Variants in WDR37 observed in about 807,000 individuals in gnomAD.
The protein encoded by WDR37 is WD repeat-containing protein 37.
Under a neutral mutation model 62.9 loss-of-function variants are expected in WDR37, and 19 were observed. The ratio of observed to expected loss-of-function variants is 0.30; its 90% confidence interval spans 0.21 to 0.44. The LOEUF is 0.44. Ranked by LOEUF, WDR37 falls within the 20% of genes least tolerant of loss-of-function variation. The pLI, the probability that WDR37 is intolerant of heterozygous loss-of-function variation, is 1.00. For synonymous variants in WDR37, 250 were observed against 260.9 expected (o/e 0.96, Z 0.40); for missense variants, 474 against 657.6 (o/e 0.72, Z 3.05).
At chr10:1,109,510 G>C (rs1303670013) in intron 11 of WDR37, among the ~76,000 whole-genome samples, 1 of 152,074 alleles carries the variant, frequency 6.6e-6, no homozygotes, top group African/African-American at 2.4e-5. Flanking sequence ...CTGGGAGTTT[G>C]AGACCAGCTT....
At chr10:1,108,519 C>T (rs370094597) in intron 11 of WDR37, among the ~76,000 whole-genome samples, 8 of 152,180 alleles carry the variant, frequency 5.3e-5, no homozygotes, top group Non-Finnish European at 1.0e-4. Flanking sequence ...AATAGCGAAG[C>T]GACACTATTC....
chr10:1,115,750 T>G (rs550776033), intron 11 of WDR37, among the ~76,000 whole-genome samples: 1 of 152,310 alleles, frequency 6.6e-6, no homozygotes, highest in South Asian at 2.1e-4. Context: ...AGATCTGCTT[T>G]CTTTTTGGTG....
chr10:1,095,183 A>C (rs562367334), intron 8 of WDR37, among the ~76,000 whole-genome samples: 6 of 148,768 alleles, frequency 4.0e-5, no homozygotes, highest in South Asian at 4.3e-4. Flanking sequence ...GGAGAGTTAG[A>C]CTGGGAAATG....
chr10:1,105,671 C>T lies in WDR37; in HGVS notation c.1103+404C>T, dbSNP rs185752271. Among the ~76,000 whole-genome samples, 4 of 152,260 alleles carry T rather than the reference C, an allele frequency of 2.6e-5. No individual in the cohort carries two copies. The highest frequency in any genetic ancestry group is 3.9e-4 in the East Asian group (2 of 5,168). ...TTTCCATCTAGTTTTTGTTATTACA[C>T]GTGTCTGCGTGGTATATTCTGGGAG... On this transcript the variant is annotated intron_variant, in intron 11 of 13. Coordinates refer to ENST00000263150, the MANE Select transcript of WDR37 (RefSeq NM_014023.4). The surrounding 1 kb of genome is among the most constrained non-coding windows in gnomAD (Gnocchi z 5.3).
At chr10:1,093,885 A>G (rs10903366) in intron 8 of WDR37, among the ~76,000 whole-genome samples, 59,838 of 152,148 alleles carry the variant, frequency 0.39, 12,130 homozygotes, top group African/African-American at 0.47. Context: ...ACAGAGACAC[A>G]GCAAGTTGCC....
rs76312690 is a variant in WDR37 at position 1,131,296 on chromosome 10, C to G, written c.*1952C>G. The G allele has an allele frequency of 6.6e-6, 1 of 152,142 alleles. No individual in the cohort carries two copies. The highest frequency in any genetic ancestry group is 1.5e-5 in the Non-Finnish European group (1 of 68,062). 9.4% of individuals were successfully genotyped at this position (152,142 alleles called of 1,614,324 possible). On this transcript the variant is annotated 3_prime_UTR_variant, in exon 14 of 14. Coordinates refer to ENST00000263150, the MANE Select transcript of WDR37 (RefSeq NM_014023.4). ...GCACAGGCCACCTGCTTGGGTTCCT[C>G]GGAGTTTAATTTGAAAGTCTGGGTG...
At chr10:1,058,883 AATTT>A (rs1209607274) in intron 1 of WDR37, among the ~76,000 whole-genome samples, 1 of 152,212 alleles carries the variant, frequency 6.6e-6, no homozygotes, top group African/African-American at 2.4e-5. Context: ...TGCAATTTTC[AATTT>A]ATTTCTCCAA....
chr10:1,089,612 A>T (rs1035265219), intron 7 of WDR37, among the ~76,000 whole-genome samples: 4 of 150,736 alleles, frequency 2.7e-5, no homozygotes, highest in South Asian at 2.1e-4. Context: ...CTCACCCACA[A>T]TTCAACCTTC....
At chr10:1,086,113 T>G (rs1834192863) in intron 6 of WDR37, among the ~76,000 whole-genome samples, 173 bp from the exon 7 acceptor site, 1 of 152,254 alleles carries the variant, frequency 6.6e-6, no homozygotes, top group Non-Finnish European at 1.5e-5. Flanking sequence ...TTCTCCCATT[T>G]GGGAAATGTT....
At chr10:1,081,673 T>C (rs1473405325) in intron 5 of WDR37, among the ~76,000 whole-genome samples, 1 of 152,230 alleles carries the variant, frequency 6.6e-6, no homozygotes, top group East Asian at 1.9e-4. Context: ...ATGTAATGTC[T>C]AGCTTATACT....
Position 1,077,999 on chromosome 10 carries a change from A to G in WDR37, c.231A>G (p.Leu77=), listed in dbSNP as rs756907833. ...TTGAAAACCTTTATATCGAAAACTT[A>G]GAATGTGAGTATCTCCTATTTTAAT... ...REFENLYIEN[L]ELRREIDTLN... Residue 77 remains leucine (L), a synonymous_variant, in exon 3 of 14, where the codon TTA becomes TTG. Transcript: ENST00000263150. 2.5e-6 allele frequency: 4 copies of G among 1,601,598 alleles called. No homozygotes were observed. The highest frequency in any genetic ancestry group is 3.4e-6 in the Non-Finnish European group (4 of 1,171,198).
At chr10:1,091,463 T>C (rs899022990) in intron 7 of WDR37, among the ~76,000 whole-genome samples, 1 of 152,216 alleles carries the variant, frequency 6.6e-6, no homozygotes, top group Non-Finnish European at 1.5e-5. Context: ...CATTTTTCAT[T>C]TAGTTCCTTA....
chr10:1,091,820 A>G (rs1834396486), intron 7 of WDR37, among the ~76,000 whole-genome samples: 2 of 152,224 alleles, frequency 1.3e-5, no homozygotes, highest in African/African-American at 2.4e-5. Context: ...ATGTCAAGCT[A>G]TTCTGTCTAC....
At chr10:1,071,823 G>A (rs1833739393) in intron 1 of WDR37, among the ~76,000 whole-genome samples, 1 of 152,074 alleles carries the variant, frequency 6.6e-6, no homozygotes, top group Non-Finnish European at 1.5e-5. Context: ...AGTAGACTGT[G>A]CCTGGGGAAT....
intron 7 of WDR37, among the ~76,000 whole-genome samples, chr10:1,092,367 A>G (rs1367863217): frequency 2.0e-5 from 3 of 150,892 alleles, no homozygotes; most frequent in Admixed American, 2.0e-4. Flanking sequence ...AAAAATACAA[A>G]AGACCCTCTT....
chr10:1,114,042 C>T (rs755366673), intron 11 of WDR37, among the ~76,000 whole-genome samples: 2 of 147,674 alleles, frequency 1.4e-5, no homozygotes, highest in Non-Finnish European at 3.0e-5. Context: ...CTGCAACCTC[C>T]GCCTCCCAGG....
In WDR37 at chr10:1,132,285, T is replaced by TA. The variant is rs1349589385; in HGVS notation, c.*2942dup. The TA allele has an allele frequency of 6.6e-6, 1 of 152,200 alleles. No individual in the cohort carries two copies. The highest frequency in any genetic ancestry group is 1.5e-5 in the Non-Finnish European group (1 of 68,034). The allele number at this position is 152,200 out of a possible 1,614,324, so 9.4% of individuals were successfully genotyped here. On this transcript the variant is annotated 3_prime_UTR_variant, in exon 14 of 14. Transcript: ENST00000263150. ...TGAGCTAGAAATTGAACAAATATAATACTGGTCACTCGAAAAATTTTTAGA... is the reference window on the plus strand; with the variant it reads ...TGAGCTAGAAATTGAACAAATATAATAACTGGTCACTCGAAAAATTTTTAGA...
intron 5 of WDR37, among the ~76,000 whole-genome samples, chr10:1,081,445 C>T (rs186209597): frequency 1.3e-5 from 2 of 152,210 alleles, no homozygotes; most frequent in East Asian, 1.9e-4. Flanking sequence ...CAATTTGTTT[C>T]CTTGAGTTTA....
At chr10:1,117,569 AGAT>A (rs1255333750) in intron 11 of WDR37, among the ~76,000 whole-genome samples, 4 of 152,242 alleles carry the variant, frequency 2.6e-5, no homozygotes, top group Non-Finnish European at 4.4e-5. Flanking sequence ...CTTTTCTTTG[AGAT>A]GACTGTAAGA....
Sources: gnomAD v4.1 joint callset for allele counts (sites outside exome capture counted in the v4.1 genomes callset) on GRCh38, gnomAD v4.1.1 for gene constraint, Gnocchi (gnomAD v3.1) non-coding constraint, MANE v1.5 for transcripts, NCBI Gene and HGNC (gene_info 2026-07-23, HGNC 2026-07-21) for gene names.